The following KATNBL1 variants were observed in gnomAD, a reference collection of about 807,000 sequenced individuals.
The protein encoded by KATNBL1 is KATNB1-like protein 1.
In KATNBL1, 28 loss-of-function variants were observed where a neutral mutation model predicts 44.7. The ratio of observed to expected loss-of-function variants is 0.63; its 90% CI spans 0.46 to 0.86. The LOEUF (loss-of-function observed/expected upper bound fraction) is 0.86, where lower values mean the gene tolerates loss of function less well. Ranked by LOEUF, KATNBL1 falls within the 40% of genes least tolerant of loss-of-function variation. KATNBL1 has a pLI of 0.00. For missense variants in KATNBL1, 272 were observed against 350.7 expected, an observed-to-expected ratio of 0.78 and a Z score of 1.79; for synonymous variants, 78 against 114.9, an observed-to-expected ratio of 0.68 and a Z score of 2.06.
intron 1 of KATNBL1, among the ~76,000 whole-genome samples, chr15:34,181,866 T>TCCATATATATA (rs1555529424): frequency 8.3e-6 from 1 of 119,804 alleles, no homozygotes; most frequent in Non-Finnish European, 1.7e-5. Context: ...CATATATATA[T>TCCATATATATA]ATCCATATAT....
At chr15:34,204,099 A>G (rs572072439) in intron 1 of KATNBL1, among the ~76,000 whole-genome samples, 10 of 151,898 alleles carry the variant, frequency 6.6e-5, no homozygotes, top group African/African-American at 1.4e-4. Flanking sequence ...CAGGTAACCA[A>G]CAACAGGCCA....
chr15:34,158,500 C>A (rs571717779), intron 2 of KATNBL1, among the ~76,000 whole-genome samples: 42 of 152,316 alleles, frequency 2.8e-4, no homozygotes, highest in African/African-American at 9.1e-4. Flanking sequence ...AAAGAGATAT[C>A]TCTTTGATGT....
chr15:34,154,639 CT>C lies in KATNBL1; in HGVS notation c.158+4del. On this transcript the variant is annotated splice_donor_region_variant and intron_variant, in intron 3 of 9. Transcript: ENST00000256544. ...GTTCCCCACAAACTTTAAAGAAACTCTTACCTATTTATGTAAGCAGCCAACT... is the reference window on the plus strand; with the variant it reads ...GTTCCCCACAAACTTTAAAGAAACTCTACCTATTTATGTAAGCAGCCAACT... 1 of 1,562,100 alleles carries C rather than the reference CT, an allele frequency of 6.4e-7. No individual in the cohort carries two copies. Among genetic ancestry groups the C allele is most frequent in the Non-Finnish European group, 8.8e-7 (1 of 1,132,860 alleles).
chr15:34,189,328 A>T (rs1408038094), intron 1 of KATNBL1, among the ~76,000 whole-genome samples: 2 of 152,170 alleles, frequency 1.3e-5, no homozygotes, highest in Non-Finnish European at 2.9e-5. Flanking sequence ...CTGGCCCTGG[A>T]ACACATATTA....
chr15:34,186,483 C>T (rs1052107007), intron 1 of KATNBL1, among the ~76,000 whole-genome samples: 14 of 152,208 alleles, frequency 9.2e-5, no homozygotes, highest in African/African-American at 3.1e-4. Context: ...CAGCTGCAGC[C>T]ACCTTACCTA....
At chr15:34,204,671 T>C (rs1890248447) in intron 1 of KATNBL1, among the ~76,000 whole-genome samples, 1 of 152,244 alleles carries the variant, frequency 6.6e-6, no homozygotes, top group South Asian at 2.1e-4. Flanking sequence ...TACAGGCTTC[T>C]TGAAAAACCA....
In KATNBL1 at chr15:34,142,348, C is replaced by G; in HGVS notation, c.906G>C (p.Gln302His). ...TAGTAGATGAAATCTCTCAATGTAA[C>G]TGTAATAAATAAGCATCTACATCCT... ...IAKDVDAYLLQLH is the reference protein window; with the variant it reads ...IAKDVDAYLLHLH Residue 302 changes from glutamine (Q) to histidine (H), a missense_variant, in exon 10 of 10, where the codon CAG becomes CAC. Physicochemically the swap from Gln to His is conservative, Grantham distance 24. Around this residue, in one of 3 missense-constraint regions of KATNBL1, gnomAD observed 39 missense variants for 76.3 expected, o/e 0.51. Transcript: ENST00000256544. The G allele has an allele frequency of 6.3e-7, 1 of 1,594,372 alleles. No homozygotes were observed. Among genetic ancestry groups the G allele is most frequent in the East Asian group, 2.3e-5 (1 of 44,254 alleles).
At chr15:34,144,576 C>CTTTTTTT in intron 9 of KATNBL1, among the ~76,000 whole-genome samples, 1 of 144,670 alleles carries the variant, frequency 6.9e-6, no homozygotes, top group African/African-American at 2.5e-5. Context: ...TTTTTTCTTT[C>CTTTTTTT]TTTTTTTTTT....
At chr15:34,199,843 GT>G (rs1890130273) in intron 1 of KATNBL1, 2 of 676 alleles carry the variant, frequency 3.0e-3, no homozygotes, top group African/African-American at 6.0e-3. Context: ...AAAGAACAAA[GT>G]ACGGAAAGAA....
At chr15:34,191,264 A>G (rs537979634) in intron 1 of KATNBL1, among the ~76,000 whole-genome samples, 1 of 150,292 alleles carries the variant, frequency 6.7e-6, no homozygotes, top group Admixed American at 6.6e-5. Flanking sequence ...TCAATGGTCT[A>G]TTCCTTTTTA....
At chr15:34,167,519 T>C (rs1889016998) in intron 1 of KATNBL1, among the ~76,000 whole-genome samples, 1 of 152,116 alleles carries the variant, frequency 6.6e-6, no homozygotes, top group Non-Finnish European at 1.5e-5. Flanking sequence ...CAGAAAACAC[T>C]CTTCAGGGTA....
intron 1 of KATNBL1, among the ~76,000 whole-genome samples, chr15:34,186,268 A>G (rs773539608): frequency 2.6e-5 from 4 of 152,158 alleles, no homozygotes; most frequent in Non-Finnish European, 5.9e-5. Flanking sequence ...TGCACAATCC[A>G]TGAAGCCAGT....
intron 1 of KATNBL1, among the ~76,000 whole-genome samples, chr15:34,188,054 G>T (rs961142591): frequency 7.1e-6 from 1 of 141,274 alleles, no homozygotes; most frequent in Admixed American, 7.6e-5. Flanking sequence ...CAAGAGAATC[G>T]CTTGAACCTG....
rs57428240 is a variant in KATNBL1 at position 34,191,154 on chromosome 15, C to CATATATATATATATAT, written c.-15+18781_-15+18796dup. On this transcript the variant is annotated intron_variant, in intron 1 of 9. Transcript: ENST00000256544. Reference sequence around the variant, plus strand: ...CAAAAATTTCATATAAATCATAGACCATATATATATATATATATATATATA... The same window carrying CATATATATATATATAT: ...CAAAAATTTCATATAAATCATAGACCATATATATATATATATATATATATATATATATATATATATA... Among the ~76,000 whole-genome samples the CATATATATATATATAT allele has an allele frequency of 2.0e-3, 271 of 136,110 alleles. 5 individuals are homozygous for CATATATATATATATAT. The highest frequency in any genetic ancestry group is 2.7e-3 in the Non-Finnish European group (170 of 62,792). The allele number at this position is 136,110 out of a possible 152,430, so 89.3% of individuals were successfully genotyped here.
At chr15:34,173,662 G>C (rs1235908205) in intron 1 of KATNBL1, among the ~76,000 whole-genome samples, 1 of 152,020 alleles carries the variant, frequency 6.6e-6, no homozygotes, top group Non-Finnish European at 1.5e-5. Flanking sequence ...CAGAAGTAGA[G>C]GAAAACTGGT....
intron 1 of KATNBL1, among the ~76,000 whole-genome samples, chr15:34,188,074 G>A (rs954162221): frequency 9.8e-5 from 13 of 132,620 alleles, no homozygotes; most frequent in Non-Finnish European, 1.7e-4. Context: ...GGGAAGTGGA[G>A]GTTGCAGTGA....
chr15:34,153,494 C>A (rs1056028220), intron 3 of KATNBL1, among the ~76,000 whole-genome samples: 9 of 152,128 alleles, frequency 5.9e-5, no homozygotes, highest in Non-Finnish European at 1.3e-4. Flanking sequence ...ATAGAGCAAG[C>A]CTCATCGTTT....
rs1246960855 is a variant in KATNBL1 at position 34,148,740 on chromosome 15, T to C, written c.449A>G (p.Asp150Gly). ...YSGFFSEVSQ[D>G]HETMAQVLFS... is the part of the protein sequence containing the mutation. The stretch of plus-strand genomic sequence containing the variant: ...CAAAACTTGGGCCATTGTTTCATGG[T>C]CCTGAGAAACCTGAAAGGCAATAAT... The change falls in exon 5 of 10, where the codon GAC becomes GGC. Residue 150 changes from aspartate to glycine, a missense_variant. Around this residue, in one of 3 missense-constraint regions of KATNBL1, gnomAD observed 111 missense variants for 149.3 expected, o/e 0.74. Coordinates refer to ENST00000256544, the MANE Select transcript of KATNBL1 (RefSeq NM_024713.3). The C allele has an allele frequency of 1.3e-6, 2 of 1,591,138 alleles. No individual in the cohort carries two copies. The highest frequency in any genetic ancestry group is 2.2e-5 in the East Asian group (1 of 44,750).
intron 2 of KATNBL1, among the ~76,000 whole-genome samples, chr15:34,161,892 T>C (rs1171186636): frequency 3.3e-5 from 5 of 152,130 alleles, no homozygotes; most frequent in South Asian, 4.2e-4. Context: ...AGTTAAACTT[T>C]AAAATGGAGA....
Sources: gnomAD v4.1 joint callset for allele counts (sites outside exome capture counted in the v4.1 genomes callset) on GRCh38, gnomAD v4.1.1 for gene constraint, gnomAD v4.1.1 regional missense constraint, MANE v1.5 for transcripts, NCBI Gene and HGNC (gene_info 2026-07-23, HGNC 2026-07-21) for gene names.